EGF: variants seen among roughly 807,000 people sequenced by gnomAD.
EGF encodes epidermal growth factor, also known as pro-epidermal growth factor.
A neutral mutation model predicts 143.8 loss-of-function variants in EGF; 95 were observed. The ratio of observed to expected loss-of-function variants is 0.66; its 90% CI spans 0.56 to 0.78. The LOEUF (loss-of-function observed/expected upper bound fraction) is 0.78. Ranked by LOEUF, EGF falls within the 30% of genes least tolerant of loss-of-function variation. The pLI is 0.00. For missense variants in EGF, 1,320 were observed against 1,470.9 expected, an observed-to-expected ratio of 0.90 and a Z score of 1.68; for synonymous variants, 510 against 510.5, an observed-to-expected ratio of 1.00 and a Z score of 0.01.
At chr4:109,988,234 T>G (rs996781097) in intron 17 of EGF, among the ~76,000 whole-genome samples, 21 of 151,638 alleles carry the variant, frequency 1.4e-4, no homozygotes, top group Middle Eastern at 3.2e-3. Flanking sequence ...AGGTCATAAG[T>G]TTTAGTCAAA....
At chr4:109,922,884 T>C (rs919807580) in intron 1 of EGF, among the ~76,000 whole-genome samples, 1 of 151,620 alleles carries the variant, frequency 6.6e-6, no homozygotes, top group Non-Finnish European at 1.5e-5. Flanking sequence ...TCAGCAAATA[T>C]TGGCTATTAC....
chr4:109,965,628 G>A (rs1349312066), intron 10 of EGF, among the ~76,000 whole-genome samples: 2 of 152,088 alleles, frequency 1.3e-5, no homozygotes, highest in Non-Finnish European at 2.9e-5. Context: ...TTTTAAGTCA[G>A]GTGGCTGGTT....
intron 8 of EGF, 30 bp from the exon 9 acceptor site, chr4:109,963,143 A>C (rs1184654905): frequency 6.2e-7 from 1 of 1,612,570 alleles, no homozygotes; most frequent in Admixed American, 1.7e-5. Context: ...TGGATGACGT[A>C]GCATCATTAC....
At chr4:109,969,209 A>C in intron 11 of EGF, 90 bp downstream of exon 11, 1 of 1,569,038 alleles carries the variant, frequency 6.4e-7, no homozygotes, top group East Asian at 2.2e-5. Flanking sequence ...TTGAACACAG[A>C]AAAATGTTGC....
At chr4:109,984,064 T>C (rs944507344) in intron 16 of EGF, among the ~76,000 whole-genome samples, 5 of 152,214 alleles carry the variant, frequency 3.3e-5, no homozygotes, top group African/African-American at 1.2e-4. Flanking sequence ...AACTTAAGTC[T>C]TTCTTGTTCC....
rs1744867504 is a variant in EGF, at chr4:109,956,838, T to A, written c.941-2474T>A. Among the ~76,000 whole-genome samples, 3 of 151,918 alleles carry A rather than the reference T, an allele frequency of 2.0e-5. 1 individual carries two copies. Among genetic ancestry groups the A allele is most frequent in the African/African-American group, 7.3e-5 (3 of 41,268 alleles). ...TTGTAAAGAGATTTGAAAAAACAGG[T>A]TCAAAATAACTAAGGAAATAACACA... On this transcript the variant is annotated intron_variant, in intron 5 of 23. Coordinates refer to ENST00000265171, the MANE Select transcript of EGF (RefSeq NM_001963.6).
chr4:109,929,194 TATAGCTTGGTCTTTA>T (rs1169102401), intron 1 of EGF, among the ~76,000 whole-genome samples: 1 of 152,160 alleles, frequency 6.6e-6, no homozygotes, highest in Non-Finnish European at 1.5e-5. Flanking sequence ...AGATAAGCAG[TATAGCTTGGTCTTTA>T]AAAGCTAGGG....
chr4:109,965,511 AT>A (rs1171741820), intron 10 of EGF, among the ~76,000 whole-genome samples: 3 of 152,186 alleles, frequency 2.0e-5, no homozygotes, highest in Non-Finnish European at 4.4e-5. Flanking sequence ...ACAGAAAAAA[AT>A]AATTAATAGA....
At chr4:109,951,761 C>T (rs957919242) in intron 5 of EGF, among the ~76,000 whole-genome samples, 14 of 152,184 alleles carry the variant, frequency 9.2e-5, no homozygotes, top group Non-Finnish European at 1.5e-5. Flanking sequence ...TGAAACCAGA[C>T]AGACTGGTAA....
At chr4:109,986,196 T>C (rs1228478933) in intron 16 of EGF, among the ~76,000 whole-genome samples, 1 of 152,232 alleles carries the variant, frequency 6.6e-6, no homozygotes, top group Non-Finnish European at 1.5e-5. Context: ...ACTATTGCTT[T>C]TCATTACGCA....
intron 15 of EGF, among the ~76,000 whole-genome samples, chr4:109,981,638 T>A (rs181911439): frequency 4.6e-4 from 70 of 152,292 alleles, no homozygotes; most frequent in Admixed American, 1.4e-3. Flanking sequence ...TTAAATTTTT[T>A]AAAAATTTAT....
intron 1 of EGF, among the ~76,000 whole-genome samples, chr4:109,929,271 C>G (rs1337975181): frequency 6.6e-6 from 1 of 152,078 alleles, no homozygotes; most frequent in Non-Finnish European, 1.5e-5. Flanking sequence ...ATTTATTGGC[C>G]TTGTGACTTG....
chr4:109,924,329 C>T (rs565966070), intron 1 of EGF, among the ~76,000 whole-genome samples: 21 of 146,324 alleles, frequency 1.4e-4, no homozygotes, highest in Admixed American at 1.3e-4. Flanking sequence ...TTAGTTCTTT[C>T]TACCAAAAAA....
At chr4:109,947,475 A>G (rs1743056606) in intron 5 of EGF, among the ~76,000 whole-genome samples, 1 of 152,134 alleles carries the variant, frequency 6.6e-6, no homozygotes, top group Non-Finnish European at 1.5e-5. Flanking sequence ...GTTGTGGGAA[A>G]CAGTTCAACT....
intron 9 of EGF, among the ~76,000 whole-genome samples, chr4:109,964,195 C>T (rs2126066634): frequency 6.6e-6 from 1 of 152,182 alleles, no homozygotes. Context: ...AGGGAAGAAA[C>T]CAGAGATGAA....
intron 11 of EGF, among the ~76,000 whole-genome samples, chr4:109,972,133 A>G (rs1747753908): frequency 1.3e-5 from 2 of 152,110 alleles, no homozygotes; most frequent in African/African-American, 2.4e-5. Flanking sequence ...GATCTCAGTG[A>G]CACTGGGACA....
intron 13 of EGF, chr4:109,977,221 G>A (rs1748634909): frequency 6.6e-6 from 1 of 151,910 alleles, no homozygotes; most frequent in African/African-American, 2.4e-5. Context: ...AAATTGGTTG[G>A]GAAGATGAAA....
rs147510773 is a variant in EGF, at chr4:109,951,298, C to G, written c.940+6023C>G. On this transcript the variant is annotated intron_variant, in intron 5 of 23. Transcript: ENST00000265171. Reference sequence around the variant, plus strand: ...ACTTGAACTCAAGGGGCAGAGGTTTCAGTGAGCCAAGATCAGGCCACTGCA... The same window carrying G: ...ACTTGAACTCAAGGGGCAGAGGTTTGAGTGAGCCAAGATCAGGCCACTGCA... Among the ~76,000 whole-genome samples, 166 of 152,188 alleles carry G rather than the reference C, an allele frequency of 1.1e-3. 1 individual carries two copies. The highest frequency in any genetic ancestry group is 3.9e-3 in the African/African-American group (162 of 41,530).
chr4:109,955,058 G>T (rs555695844), intron 5 of EGF, among the ~76,000 whole-genome samples: 1 of 152,326 alleles, frequency 6.6e-6, no homozygotes, highest in Admixed American at 6.5e-5. Flanking sequence ...GACTAGAAAG[G>T]CTTTGTTGAT....
Sources: allele counts gnomAD v4.1 joint callset (sites outside exome capture counted in the v4.1 genomes callset), GRCh38; gene constraint gnomAD v4.1.1; transcripts MANE v1.5; gene names NCBI Gene and HGNC (gene_info 2026-07-23, HGNC 2026-07-21).